TERB2: variants seen among roughly 807,000 people sequenced by gnomAD.
TERB2 encodes the protein telomere repeat binding bouquet formation protein 2, also known as telomere repeats-binding bouquet formation protein 2.
Under a neutral mutation model 29.8 loss-of-function variants are expected in TERB2, and 26 were observed. The ratio of observed to expected loss-of-function variants is 0.87; its 90% CI spans 0.64 to 1.21. The LOEUF is 1.21. Among genes scored for constraint, TERB2 ranks in the 50% most tolerant of loss-of-function variants. TERB2 has a pLI of 0.00. For missense variants in TERB2, 240 were observed against 268.6 expected, an observed-to-expected ratio of 0.89 and a Z score of 0.74; for synonymous variants, 80 against 90.8, an observed-to-expected ratio of 0.88 and a Z score of 0.68.
intron 6 of TERB2, 108 bp downstream of exon 6, chr15:44,974,063 T>A: frequency 8.8e-7 from 1 of 1,133,672 alleles, no homozygotes. Context: ...GAGCCTTCTC[T>A]AGTAAGCCTG....
At chr15:44,974,098 T>C (rs1744750950) in intron 6 of TERB2, 143 bp downstream of exon 6, 1 of 912,842 alleles carries the variant, frequency 1.1e-6, no homozygotes, top group Admixed American at 4.7e-5. Flanking sequence ...ATCACTTAAA[T>C]ATTGAATAAA....
At position 44,958,437 on chromosome 15, in the gene TERB2, G is replaced by T. The variant is rs1891754508; in HGVS notation, c.211G>T (p.Ala71Ser). Residue 71 changes from alanine to serine, a missense_variant, in exon 3 of 7, where the codon GCG becomes TCG. Transcript: ENST00000340827. ...AGTTTTTCATGCCTACTATCTCTCT[G>T]CGGTAGCTAATGCCAAAATAAAAAA... ...ATVFHAYYLS[A>S]VANAKIKNSV... The T allele has an allele frequency of 3.1e-6, 5 of 1,613,884 alleles. No homozygotes were observed. The South Asian group carries it at 5.5e-5, about 18-fold the overall frequency.
intron 4 of TERB2, among the ~76,000 whole-genome samples, chr15:44,962,322 C>T (rs553308026): frequency 1.3e-5 from 2 of 151,318 alleles, no homozygotes; most frequent in East Asian, 3.9e-4. Flanking sequence ...GCTGGGACCA[C>T]GGGCGCCAGC....
intron 4 of TERB2, among the ~76,000 whole-genome samples, chr15:44,964,003 G>A (rs926981087): frequency 6.6e-6 from 1 of 151,808 alleles, no homozygotes; most frequent in Non-Finnish European, 1.5e-5. Context: ...TAGAGACGGG[G>A]TTTCACCATG....
At chr15:44,961,034 G>T (rs1008857232) in intron 3 of TERB2, among the ~76,000 whole-genome samples, 72 of 151,054 alleles carry the variant, frequency 4.8e-4, no homozygotes, top group African/African-American at 1.7e-3. Flanking sequence ...GCATTATATA[G>T]AGAGATATAT....
At chr15:44,973,677 A>G (rs930545383) in intron 5 of TERB2, 190 bp from the exon 6 acceptor site, 1 of 311,880 alleles carries the variant, frequency 3.2e-6, no homozygotes, top group Non-Finnish European at 4.8e-6. Flanking sequence ...AAATCACTAT[A>G]TATATTGCCT....
intron 4 of TERB2, 118 bp from the exon 5 acceptor site, chr15:44,966,040 A>T (rs1314914378): frequency 1.9e-6 from 1 of 540,234 alleles, no homozygotes; most frequent in Non-Finnish European, 3.0e-6. Context: ...AAATGTGTAA[A>T]TATTTTTATG....
chr15:44,965,156 C>G (rs1404448638), intron 4 of TERB2, among the ~76,000 whole-genome samples: 2 of 74,454 alleles, frequency 2.7e-5, no homozygotes, highest in East Asian at 8.4e-4. Flanking sequence ...GAGCAAGACT[C>G]TGTCTCAAAA....
At position 44,962,220 on chromosome 15, in the gene TERB2, C is replaced by A. The variant is rs1891816923; in HGVS notation, c.348+636C>A. On this transcript the variant is annotated intron_variant, in intron 4 of 6. Coordinates refer to ENST00000340827, the MANE Select transcript of TERB2 (RefSeq NM_152448.3). ...TTTTGGAGACAGAGTCTCCCTCTGT[C>A]GCCTAGACTGGAGTGCAGTGGTGCG... Among the ~76,000 whole-genome samples the A allele has an allele frequency of 2.7e-5, 4 of 148,120 alleles. No individual in the cohort carries two copies. In the Middle Eastern group the frequency reaches 0.01, roughly 388 times the overall value.
In TERB2 at chr15:44,960,306, C is replaced by T. The variant is rs186668461; in HGVS notation, c.287-1217C>T. Among the ~76,000 whole-genome samples the T allele has an allele frequency of 2.0e-3, 304 of 152,136 alleles. 2 individuals are homozygous for T. The highest frequency in any genetic ancestry group is 2.9e-3 in the Admixed American group (44 of 15,282). Reference sequence around the variant, plus strand: ...AGAAGTGTGAGGTGCAAATGTGAGCCACATATGAATTTTACATTTTCTAGT... The same window carrying T: ...AGAAGTGTGAGGTGCAAATGTGAGCTACATATGAATTTTACATTTTCTAGT... On this transcript the variant is annotated intron_variant, in intron 3 of 6. Coordinates refer to ENST00000340827, the MANE Select transcript of TERB2 (RefSeq NM_152448.3).
intron 2 of TERB2, 31 bp downstream of exon 2, chr15:44,957,008 T>G (rs139666917): frequency 6.3e-7 from 1 of 1,587,852 alleles, no homozygotes; most frequent in Non-Finnish European, 8.6e-7. Flanking sequence ...GTGCCTCTTA[T>G]GTTAGGATGA....
chr15:44,962,875 G>A (rs981503933), intron 4 of TERB2: 1 of 152,180 alleles, frequency 6.6e-6, no homozygotes, highest in Non-Finnish European at 1.5e-5. Flanking sequence ...ACAATACAGA[G>A]ATTAGCATGG....
intron 5 of TERB2, among the ~76,000 whole-genome samples, chr15:44,968,208 A>C (rs930330620): frequency 6.0e-5 from 9 of 151,158 alleles, no homozygotes; most frequent in African/African-American, 2.2e-4. Flanking sequence ...TCTCCCAGTG[A>C]TAACCTTCAT....
intron 5 of TERB2, chr15:44,973,614 C>A: frequency 6.1e-6 from 1 of 164,228 alleles, no homozygotes; most frequent in Non-Finnish European, 1.3e-5. Flanking sequence ...GTTAGCATGG[C>A]CCCTGCGCAA....
At chr15:44,967,454 C>G (rs1844623534) in intron 5 of TERB2, among the ~76,000 whole-genome samples, 2 of 152,194 alleles carry the variant, frequency 1.3e-5, no homozygotes, top group South Asian at 4.1e-4. Flanking sequence ...GAGTATCGCA[C>G]CAATCCTTGC....
At chr15:44,958,301 T>C in intron 2 of TERB2, 72 bp from the exon 3 acceptor site, 1 of 1,486,752 alleles carries the variant, frequency 6.7e-7, no homozygotes, top group Non-Finnish European at 9.0e-7. Flanking sequence ...CAGTGATTTA[T>C]TTATTCTTTT....
At chr15:44,978,340 G>A in intron 6 of TERB2, 149 bp from the exon 7 acceptor site, 2 of 1,205,854 alleles carry the variant, frequency 1.7e-6, no homozygotes, top group Non-Finnish European at 2.1e-6. Context: ...GTTTCATGGA[G>A]AATCTTCTCA....
At chr15:44,972,855 G>A (rs1392396953) in intron 5 of TERB2, among the ~76,000 whole-genome samples, 2 of 150,986 alleles carry the variant, frequency 1.3e-5, no homozygotes, top group Non-Finnish European at 2.9e-5. Flanking sequence ...CATTTTTTTA[G>A]ATTTTATAAT....
At position 44,979,212 on chromosome 15, in the gene TERB2, A is replaced by G. The variant is rs923598251; in HGVS notation, c.*584A>G. 8.5e-5 allele frequency: 13 copies of G among 152,246 alleles called. No homozygotes were observed. Among genetic ancestry groups the G allele is most frequent in the African/African-American group, 2.9e-4 (12 of 41,456 alleles). The allele number at this position is 152,246 out of a possible 1,614,324, so 9.4% of individuals were successfully genotyped here. On this transcript the variant is annotated 3_prime_UTR_variant, in exon 7 of 7. Transcript: ENST00000340827. Reference sequence around the variant, plus strand: ...ATGGTTTCTAATAATAAATATCTCAAAAGTGACTTAACATAAACAGACTAT... The same window carrying G: ...ATGGTTTCTAATAATAAATATCTCAGAAGTGACTTAACATAAACAGACTAT...
Sources: allele counts gnomAD v4.1 joint callset (sites outside exome capture counted in the v4.1 genomes callset), GRCh38; gene constraint gnomAD v4.1.1; transcripts MANE v1.5; gene names NCBI Gene and HGNC (gene_info 2026-07-23, HGNC 2026-07-21).